LBH: variants seen among roughly 807,000 people sequenced by gnomAD.
LBH encodes the protein LBH regulator of Wnt signaling pathway, also known as protein LBH.
Under a neutral mutation model 12.5 loss-of-function variants are expected in LBH, and 7 were observed. That is an observed-to-expected ratio of 0.56 (90% CI 0.32 to 1.05). The LOEUF (loss-of-function observed/expected upper bound fraction) is 1.05. Ranked by LOEUF, LBH falls within the 50% of genes least tolerant of loss-of-function variation. The probability of loss-of-function intolerance (pLI) is 0.04; values close to 1 mark genes in which losing one functional copy is unlikely to be tolerated. For missense variants in LBH, 119 were observed against 138.9 expected, an observed-to-expected ratio of 0.86 and a Z score of 0.72; for synonymous variants, 51 against 50.1, an observed-to-expected ratio of 1.02 and a Z score of -0.08.
At position 30,257,394 on chromosome 2, in the gene LBH, TA is replaced by T. The variant is rs769702163; in HGVS notation, c.130-38del. 5.6e-6 allele frequency: 9 copies of T among 1,608,002 alleles called. No homozygotes were observed. In the South Asian group the frequency reaches 8.8e-5, roughly 16 times the overall value. On this transcript the variant is annotated intron_variant, in intron 2 of 2. Coordinates refer to ENST00000395323, the MANE Select transcript of LBH (RefSeq NM_030915.4). Reference sequence around the variant, plus strand: ...AAGGAATGGAATTTCTCTTTTCAAATATCTACGTGACCAGGCACCTGCTCTG... The same window carrying T: ...AAGGAATGGAATTTCTCTTTTCAAATTCTACGTGACCAGGCACCTGCTCTG...
chr2:30,240,762 G>C (rs533194479), intron 2 of LBH, among the ~76,000 whole-genome samples: 1 of 152,068 alleles, frequency 6.6e-6, no homozygotes, highest in Admixed American at 6.6e-5. Flanking sequence ...CCCCCTCTCC[G>C]GTGGACTTAA....
At chr2:30,239,630 A>G (rs573711950) in intron 2 of LBH, among the ~76,000 whole-genome samples, 4 of 152,196 alleles carry the variant, frequency 2.6e-5, no homozygotes, top group South Asian at 4.2e-4. Flanking sequence ...TGGGATTGCA[A>G]CAACTTTCTT....
At chr2:30,254,949 C>T (rs1193262259) in intron 2 of LBH, among the ~76,000 whole-genome samples, 1 of 152,262 alleles carries the variant, frequency 6.6e-6, no homozygotes, top group African/African-American at 2.4e-5. Context: ...TCTTACTCTC[C>T]CTCCCTGCTC....
chr2:30,233,027 C>T (rs1054545546), intron 1 of LBH: 4 of 152,250 alleles, frequency 2.6e-5, no homozygotes, highest in Non-Finnish European at 4.4e-5. Flanking sequence ...TGTGGGTGCC[C>T]CTCCCTTGCC....
chr2:30,231,904 A>G, intron 1 of LBH, 140 bp downstream of exon 1: 2 of 326,050 alleles, frequency 6.1e-6, no homozygotes, highest in South Asian at 4.7e-5. Flanking sequence ...GAGCCCGTGC[A>G]GGAGTCAACG....
intron 2 of LBH, among the ~76,000 whole-genome samples, chr2:30,256,311 A>G (rs1678084361): frequency 6.6e-6 from 1 of 151,614 alleles, no homozygotes; most frequent in Non-Finnish European, 1.5e-5. Flanking sequence ...AAAGAAGTAG[A>G]CTCCTTCAGG....
intron 2 of LBH, among the ~76,000 whole-genome samples, chr2:30,250,404 C>T (rs947563949): frequency 6.6e-6 from 1 of 152,054 alleles, no homozygotes; most frequent in Non-Finnish European, 1.5e-5. Flanking sequence ...CCTTTCATCT[C>T]CTCTACCTGC....
intron 2 of LBH, among the ~76,000 whole-genome samples, chr2:30,234,972 T>C (rs1444357996): frequency 6.6e-6 from 1 of 152,180 alleles, no homozygotes; most frequent in Non-Finnish European, 1.5e-5. Flanking sequence ...CAATGCTGCT[T>C]TCTTCCTTGG....
intron 1 of LBH, 113 bp downstream of exon 1, chr2:30,231,877 G>C (rs887077616): frequency 7.7e-5 from 67 of 870,048 alleles, no homozygotes; most frequent in Non-Finnish European, 9.7e-5. Context: ...CGGGCGCTCA[G>C]CGCTAACCCG....
At chr2:30,250,105 TC>T (rs1302429052) in intron 2 of LBH, among the ~76,000 whole-genome samples, 4 of 152,152 alleles carry the variant, frequency 2.6e-5, no homozygotes, top group African/African-American at 4.8e-5. Flanking sequence ...AAAAGCCAGA[TC>T]CTTCGGACTC....
At position 30,257,686 on chromosome 2, in the gene LBH, C is replaced by A. The variant is rs1474801646; in HGVS notation, c.*65C>A. ...TGTTCCTGAACTGTGTTTTTCCCAT[C>A]ATGACGGAAGAAGAGAGTGAGCCGC... On this transcript the variant is annotated 3_prime_UTR_variant, in exon 3 of 3. Coordinates refer to ENST00000395323, the MANE Select transcript of LBH (RefSeq NM_030915.4). 2.4e-6 allele frequency: 3 copies of A among 1,276,538 alleles called. No homozygotes were observed. The highest frequency in any genetic ancestry group is 1.5e-5 in the African/African-American group (1 of 66,188). The allele number at this position is 1,276,538 out of a possible 1,614,324, so 79.1% of individuals were successfully genotyped here.
At chr2:30,253,091 C>A (rs1396309776) in intron 2 of LBH, among the ~76,000 whole-genome samples, 1 of 152,232 alleles carries the variant, frequency 6.6e-6, no homozygotes, top group Non-Finnish European at 1.5e-5. Flanking sequence ...GCCTGGCCTG[C>A]CGCCTCAACC....
rs545602124 is a variant in LBH at position 30,243,629 on chromosome 2, C to G, written c.129+9122C>G. Reference sequence around the variant, plus strand: ...CACTGCAACCTCCGCCTCCCTGGTTCAAGTGATTTTCCTGCCTCAGTTCCC... The same window carrying G: ...CACTGCAACCTCCGCCTCCCTGGTTGAAGTGATTTTCCTGCCTCAGTTCCC... On this transcript the variant is annotated intron_variant, in intron 2 of 2. Transcript: ENST00000395323. 7.5e-5 allele frequency among the ~76,000 whole-genome samples: 11 copies of G among 147,620 alleles called. No homozygotes were observed. The South Asian group carries it at 2.4e-3, about 32-fold the overall frequency.
In LBH at chr2:30,231,535, C is replaced by G. The variant is rs904985587; in HGVS notation, c.-204C>G. 1.7e-6 allele frequency: 1 copy of G among 579,870 alleles called. No individual in the cohort carries two copies. Among genetic ancestry groups the G allele is most frequent in the East Asian group, 3.6e-5 (1 of 27,740 alleles). 35.9% of individuals were successfully genotyped at this position (579,870 alleles called of 1,614,324 possible). On this transcript the variant is annotated 5_prime_UTR_variant, in exon 1 of 3. Coordinates refer to ENST00000395323, the MANE Select transcript of LBH (RefSeq NM_030915.4). ...ACGGCTTCCCGGGCTCTTTGTGGGG[C>G]TGAGTGCTCAGTGGAGAGCGGGGAG...
At position 30,259,581 on chromosome 2, in the gene LBH, G is replaced by A. The variant is rs1678154194; in HGVS notation, c.*1960G>A. On this transcript the variant is annotated 3_prime_UTR_variant, in exon 3 of 3. Coordinates refer to ENST00000395323, the MANE Select transcript of LBH (RefSeq NM_030915.4). Reference sequence around the variant, plus strand: ...CTGCTACCCTGAATCACCTGTCCTGGTCTTGCTGTGTGATGGGAACATGCT... The same window carrying A: ...CTGCTACCCTGAATCACCTGTCCTGATCTTGCTGTGTGATGGGAACATGCT... 1 of 152,596 alleles carries A rather than the reference G, an allele frequency of 6.6e-6. No individual in the cohort carries two copies. The highest frequency in any genetic ancestry group is 1.5e-5 in the Non-Finnish European group (1 of 68,122). The allele number at this position is 152,596 out of a possible 1,614,324, so 9.5% of individuals were successfully genotyped here. A position where few individuals can be genotyped will look rare whatever the true frequency, so the allele number is the denominator to read the frequency against.
intron 2 of LBH, among the ~76,000 whole-genome samples, chr2:30,245,625 C>T (rs1036536178): frequency 1.3e-5 from 2 of 152,180 alleles, no homozygotes; most frequent in Non-Finnish European, 2.9e-5. Flanking sequence ...AGAGGGATTA[C>T]AGACTTAAGA....
Position 30,257,790 on chromosome 2 carries a change from C to CTTTTTT in LBH, c.*177_*182dup, listed in dbSNP as rs113721073. The CTTTTTT allele has an allele frequency of 0.11, 42,987 of 396,770 alleles. 2,367 individuals are homozygous for CTTTTTT. The highest frequency in any genetic ancestry group is 0.2 in the Admixed American group (4,110 of 20,680). 24.6% of individuals were successfully genotyped at this position (396,770 alleles called of 1,614,324 possible). A position where few individuals can be genotyped will look rare whatever the true frequency, so the allele number is the denominator to read the frequency against. Reference sequence around the variant, plus strand: ...AGTTGGTTTTCTTTTCTTTTCTTGCCTTTTTTTTTTTTTGAAATTTGCCGA... The same window carrying CTTTTTT: ...AGTTGGTTTTCTTTTCTTTTCTTGCCTTTTTTTTTTTTTTTTTTTGAAATTTGCCGA... On this transcript the variant is annotated 3_prime_UTR_variant, in exon 3 of 3. Coordinates refer to ENST00000395323, the MANE Select transcript of LBH (RefSeq NM_030915.4).
At chr2:30,233,744 C>A (rs1196197345) in intron 1 of LBH, among the ~76,000 whole-genome samples, 1 of 152,150 alleles carries the variant, frequency 6.6e-6, no homozygotes, top group Non-Finnish European at 1.5e-5. Context: ...GCTTTTAATC[C>A]AGGGGATGTT....
chr2:30,250,599 G>T (rs910822277), intron 2 of LBH, among the ~76,000 whole-genome samples: 1 of 151,610 alleles, frequency 6.6e-6, no homozygotes, highest in Non-Finnish European at 1.5e-5. Flanking sequence ...TCCCACCCCA[G>T]GGGCAGCCAG....
Sources: allele counts gnomAD v4.1 joint callset (sites outside exome capture counted in the v4.1 genomes callset), GRCh38; gene constraint gnomAD v4.1.1; transcripts MANE v1.5; gene names NCBI Gene and HGNC (gene_info 2026-07-23, HGNC 2026-07-21).